Variants in EMB observed in about 807,000 individuals in gnomAD.
EMB encodes the protein embigin, also known as embigin homolog.
In EMB, 31 loss-of-function variants were observed where a neutral mutation model predicts 41.4. That is an observed-to-expected ratio of 0.75 (90% CI 0.56 to 1.01). The LOEUF is 1.01. Ranked by LOEUF, EMB falls within the 50% of genes least tolerant of loss-of-function variation. The probability of loss-of-function intolerance (pLI) is 0.00; values close to 1 mark genes in which losing one functional copy is unlikely to be tolerated. For synonymous variants in EMB, 137 were observed against 140.4 expected, an observed-to-expected ratio of 0.98 and a Z score of 0.17; for missense variants, 379 against 388.3, an observed-to-expected ratio of 0.98 and a Z score of 0.20.
upstream of EMB, among the ~76,000 whole-genome samples, chr5:50,442,034 G>T (rs1393433755): frequency 6.6e-6 from 1 of 152,156 alleles, no homozygotes; most frequent in Non-Finnish European, 1.5e-5. Flanking sequence ...CTTTATCCGG[G>T]AGGGGAGGAG....
intron 7 of EMB, 106 bp downstream of exon 7, chr5:50,402,180 A>G: frequency 8.2e-7 from 1 of 1,224,010 alleles, no homozygotes; most frequent in Non-Finnish European, 1.2e-6. Context: ...ATATACAGAA[A>G]ATACTCCTCT....
chr5:50,428,568 A>G (rs1745661116), intron 1 of EMB: 1 of 997,014 alleles, frequency 1.0e-6, no homozygotes, highest in African/African-American at 1.7e-5. Flanking sequence ...AGAGAGCCAG[A>G]AAATGGAAAG....
At chr5:50,421,108 A>G (rs1205067523) in intron 2 of EMB, among the ~76,000 whole-genome samples, 1 of 152,246 alleles carries the variant, frequency 6.6e-6, no homozygotes, top group African/African-American at 2.4e-5. Flanking sequence ...CACAGACGGC[A>G]ATAGTATAAA....
At chr5:50,417,764 T>A (rs531773352) in intron 2 of EMB, among the ~76,000 whole-genome samples, 1 of 152,306 alleles carries the variant, frequency 6.6e-6, no homozygotes, top group South Asian at 2.1e-4. Context: ...CTTTTAGAAT[T>A]TTTTTTACAC....
chr5:50,415,917 A>G (rs1745422946), intron 2 of EMB, among the ~76,000 whole-genome samples: 1 of 152,260 alleles, frequency 6.6e-6, no homozygotes, highest in African/African-American at 2.4e-5. Flanking sequence ...TGCAATCAAA[A>G]TATTTTAAAA....
intron 4 of EMB, among the ~76,000 whole-genome samples, chr5:50,407,643 G>A (rs1463403494): frequency 6.6e-6 from 1 of 151,964 alleles, no homozygotes; most frequent in Non-Finnish European, 1.5e-5. Context: ...ACTATGTTCA[G>A]GGAACATGAC....
In EMB at chr5:50,399,176, A is replaced by G. The variant is rs1745117940; in HGVS notation, c.*97T>C. The G allele has an allele frequency of 6.5e-7, 1 of 1,545,690 alleles. No homozygotes were observed. The highest frequency in any genetic ancestry group is 2.0e-5 in the Admixed American group (1 of 51,194). On this transcript the variant is annotated 3_prime_UTR_variant, in exon 9 of 9. Coordinates refer to ENST00000303221, the MANE Select transcript of EMB (RefSeq NM_198449.3). ...GTTGCATAAGCTTTTCATCCTTTTA[A>G]AACTAAAAACTCAGAGGCTCTTAAC...
intron 2 of EMB, among the ~76,000 whole-genome samples, chr5:50,417,284 G>T (rs936016378): frequency 1.3e-4 from 20 of 152,110 alleles, no homozygotes; most frequent in Admixed American, 3.9e-4. Flanking sequence ...TGATACAATG[G>T]ATCTTATTTT....
chr5:50,411,161 T>G, intron 3 of EMB, 36 bp downstream of exon 3: 2 of 1,537,496 alleles, frequency 1.3e-6, no homozygotes, highest in East Asian at 2.3e-5. Context: ...TAAGCTACTT[T>G]TGGTGAGCAA....
chr5:50,400,391 AACC>A (rs1192126832), intron 7 of EMB, among the ~76,000 whole-genome samples: 2 of 152,024 alleles, frequency 1.3e-5, no homozygotes, highest in Non-Finnish European at 2.9e-5. Flanking sequence ...GAAACTAAAT[AACC>A]AGTATGCATA....
chr5:50,417,275 G>A (rs1314781508), intron 2 of EMB, among the ~76,000 whole-genome samples: 2 of 152,140 alleles, frequency 1.3e-5, no homozygotes, highest in African/African-American at 4.8e-5. Context: ...ATATAAAAAT[G>A]ATACAATGGA....
At chr5:50,439,505 T>G (rs1745860525) in intron 1 of EMB, among the ~76,000 whole-genome samples, 2 of 143,322 alleles carry the variant, frequency 1.4e-5, no homozygotes, top group Non-Finnish European at 3.1e-5. Flanking sequence ...TTTTTTTTTT[T>G]TAATAAAGAA....
chr5:50,405,171 TA>T (rs1314938820), intron 5 of EMB, among the ~76,000 whole-genome samples: 1 of 151,894 alleles, frequency 6.6e-6, no homozygotes, highest in Non-Finnish European at 1.5e-5. Flanking sequence ...TTTCTCTCAG[TA>T]AAAAAGGAAT....
Position 50,429,287 on chromosome 5 carries a change from A to G in EMB, c.113-1060T>C, listed in dbSNP as rs190249415. 2.9e-3 allele frequency among the ~76,000 whole-genome samples: 438 copies of G among 152,298 alleles called. 4 individuals are homozygous for G. Among genetic ancestry groups the G allele is most frequent in the Non-Finnish European group, 1.2e-3 (80 of 68,024 alleles). ...ATATCAAAGAAGTCAGAGAAGGGGG[A>G]AAAAAAGCTTATTATTGTAAACTTG... On this transcript the variant is annotated intron_variant, in intron 1 of 8. Transcript: ENST00000303221.
At chr5:50,442,016 A>C (rs1297942266), upstream of EMB, among the ~76,000 whole-genome samples, 1 of 152,210 alleles carries the variant, frequency 6.6e-6, no homozygotes, top group Non-Finnish European at 1.5e-5. Context: ...AAATTAAATA[A>C]ATTAGTGCTT....
upstream of EMB, chr5:50,441,436 C>T (rs531257860): frequency 3.4e-5 from 9 of 262,398 alleles, no homozygotes; most frequent in Admixed American, 2.7e-4. Context: ...GCAGCCTCTC[C>T]GGCCTCCGCC....
chr5:50,426,623 T>C (rs190014954), intron 2 of EMB, among the ~76,000 whole-genome samples: 9 of 152,252 alleles, frequency 5.9e-5, no homozygotes, highest in African/African-American at 1.9e-4. Context: ...AGAGATTAAC[T>C]TCGACAATGG....
intron 2 of EMB, among the ~76,000 whole-genome samples, chr5:50,415,711 T>A (rs1310147850): frequency 6.6e-6 from 1 of 152,232 alleles, no homozygotes; most frequent in Non-Finnish European, 1.5e-5. Flanking sequence ...GATTTAGGTA[T>A]GCCTGAGTCC....
chr5:50,429,838 A>C (rs752551674), intron 1 of EMB, among the ~76,000 whole-genome samples: 1 of 151,884 alleles, frequency 6.6e-6, no homozygotes, highest in South Asian at 2.1e-4. Context: ...TTCATTCATT[A>C]ATTCATTCAC....
Sources: allele counts gnomAD v4.1 joint callset (sites outside exome capture counted in the v4.1 genomes callset), GRCh38; gene constraint gnomAD v4.1.1; transcripts MANE v1.5; gene names NCBI Gene and HGNC (gene_info 2026-07-23, HGNC 2026-07-21).